The following EPG5 variants were observed in gnomAD, a reference collection of about 807,000 sequenced individuals.
The protein encoded by EPG5 is ectopic P-granules 5 autophagy tethering factor.
A neutral mutation model predicts 302.7 loss-of-function variants in EPG5; 159 were observed. The ratio of observed to expected loss-of-function variants is 0.53; its 90% CI spans 0.46 to 0.60. EPG5 has a LOEUF of 0.60. Among genes scored for constraint, EPG5 ranks in the 20% least tolerant of loss-of-function variants. EPG5 has a pLI of 0.00. For missense variants in EPG5, 2,896 were observed against 3,092.4 expected, an observed-to-expected ratio of 0.94 and a Z score of 1.51; for synonymous variants, 1,158 against 1,136.8, an observed-to-expected ratio of 1.02 and a Z score of -0.37.
At chr18:45,875,668 A>C (rs2048953067) in intron 35 of EPG5, among the ~76,000 whole-genome samples, 1 of 152,214 alleles carries the variant, frequency 6.6e-6, no homozygotes, top group Non-Finnish European at 1.5e-5. Context: ...AAGAAACTCA[A>C]CATGCAGGAC....
chr18:45,840,121 C>G, the EPG5 span: 1 of 1,455,658 alleles, frequency 6.9e-7, no homozygotes, highest in Non-Finnish European at 9.5e-7. Context: ...TTCCTCGAGA[C>G]CCCTTCCACA....
intron 39 of EPG5, 82 bp downstream of exon 39, chr18:45,865,533 C>T (rs773646988): frequency 5.2e-5 from 75 of 1,446,106 alleles, no homozygotes; most frequent in Non-Finnish European, 6.9e-5. Flanking sequence ...GTGTCCTGAA[C>T]ATCCTCCTGA....
At chr18:45,935,555 T>C (rs1264082593) in intron 10 of EPG5, among the ~76,000 whole-genome samples, 2 of 151,822 alleles carry the variant, frequency 1.3e-5, no homozygotes, top group African/African-American at 4.8e-5. Flanking sequence ...AAATAATAAG[T>C]ATTATTATTA....
intron 41 of EPG5, among the ~76,000 whole-genome samples, chr18:45,858,308 G>T (rs1046188226): frequency 2.0e-5 from 3 of 152,160 alleles, no homozygotes; most frequent in Non-Finnish European, 4.4e-5. Context: ...GCCCTATCAG[G>T]TAGGGATTAC....
In EPG5 at chr18:45,887,858, C is replaced by G. The variant is rs754252738; in HGVS notation, c.5002G>C (p.Val1668Leu). 2 of 1,599,722 alleles carry G rather than the reference C, an allele frequency of 1.3e-6. No individual in the cohort carries two copies. Among genetic ancestry groups the G allele is most frequent in the Admixed American group, 1.7e-5 (1 of 59,706 alleles). ...KLQPTPGIQKVGISLFFTIVD... is the reference protein window; with the variant it reads ...KLQPTPGIQKLGISLFFTIVD... Reference sequence around the variant, plus strand: ...ATAGTAAAGAAAAGGCTAATGCCAACTTTCTGAATCCCAGGTGTAGGCTGC... The same window carrying G: ...ATAGTAAAGAAAAGGCTAATGCCAAGTTTCTGAATCCCAGGTGTAGGCTGC... Residue 1668 changes from valine (V) to leucine (L), a missense_variant, in exon 29 of 44, where the codon GTT (valine) becomes CTT (leucine). Around this residue, in one of 5 missense-constraint regions of EPG5, gnomAD observed 790 missense variants for 798.0 expected, o/e 0.99. Coordinates refer to ENST00000282041, the MANE Select transcript of EPG5 (RefSeq NM_020964.3).
chr18:45,882,528 A>G lies in EPG5; in HGVS notation c.5305-41T>C, dbSNP rs187371878. ...AACAAAAAGCCGTTTTATTTGCACT[A>G]GAAAAATAGTTTAAGAGGAGAGAGG... On this transcript the variant is annotated intron_variant, in intron 30 of 43. Coordinates refer to ENST00000282041, the MANE Select transcript of EPG5 (RefSeq NM_020964.3). 12 of 1,543,402 alleles carry G rather than the reference A, an allele frequency of 7.8e-6. No individual in the cohort carries two copies. The African/African-American group carries it at 9.7e-5, about 12-fold the overall frequency.
At chr18:45,917,466 GA>G (rs1248348929) in intron 17 of EPG5, among the ~76,000 whole-genome samples, 1 of 152,140 alleles carries the variant, frequency 6.6e-6, no homozygotes. Flanking sequence ...AAATGAAAAG[GA>G]AAAATATCTT....
rs536750812 is a variant in EPG5 at position 45,902,729 on chromosome 18, C to T, written c.4474+1244G>A. On this transcript the variant is annotated intron_variant, in intron 25 of 43. Coordinates refer to ENST00000282041, the MANE Select transcript of EPG5 (RefSeq NM_020964.3). ...AAACTCACTATTTAGAAGTATAGGCCCTAATTTTGTTTAGAAGTACAAGGT... is the reference window on the plus strand; with the variant it reads ...AAACTCACTATTTAGAAGTATAGGCTCTAATTTTGTTTAGAAGTACAAGGT... Among the ~76,000 whole-genome samples, 7 of 152,138 alleles carry T rather than the reference C, an allele frequency of 4.6e-5. No individual in the cohort carries two copies. The South Asian group carries it at 1.5e-3, about 32-fold the overall frequency.
chr18:45,946,626 A>G, intron 7 of EPG5, 37 bp downstream of exon 7: 1 of 1,485,880 alleles, frequency 6.7e-7, no homozygotes, highest in Non-Finnish European at 9.4e-7. Context: ...AAGAGTTCAC[A>G]ATGATTCATC....
In EPG5 at chr18:45,955,345, A is replaced by G. The variant is rs1186677098; in HGVS notation, c.64-7T>C. On this transcript the variant is annotated splice_polypyrimidine_tract_variant and splice_region_variant and intron_variant, in intron 1 of 43. Coordinates refer to ENST00000282041, the MANE Select transcript of EPG5 (RefSeq NM_020964.3). ...TTTCATACTTCTTCTTTTCCTAAAA[A>G]CAACATACATAATGTGAAATAATTT... 1 of 1,515,344 alleles carries G rather than the reference A, an allele frequency of 6.6e-7. No individual in the cohort carries two copies. The highest frequency in any genetic ancestry group is 8.9e-7 in the Non-Finnish European group (1 of 1,123,600). 93.9% of individuals were successfully genotyped at this position (1,515,344 alleles called of 1,614,324 possible).
chr18:45,840,250 G>A, the EPG5 span: 1 of 1,610,954 alleles, frequency 6.2e-7, no homozygotes, highest in East Asian at 2.2e-5. Flanking sequence ...CGGTAAGTGA[G>A]CTCCCCGCCT....
downstream of EPG5, among the ~76,000 whole-genome samples, chr18:45,847,197 A>G (rs1161906728): frequency 6.6e-6 from 1 of 152,236 alleles, no homozygotes; most frequent in Non-Finnish European, 1.5e-5. Flanking sequence ...TGCATCTTAC[A>G]AATGTGAGTG....
intron 36 of EPG5, 71 bp from the exon 37 acceptor site, chr18:45,867,819 T>TC: frequency 7.4e-7 from 1 of 1,344,270 alleles, no homozygotes; most frequent in South Asian, 1.4e-5. Context: ...GTATGTAAAT[T>TC]GTTTCATAAT....
the EPG5 span, among the ~76,000 whole-genome samples, chr18:45,804,786 G>A: frequency 1.3e-5 from 2 of 152,106 alleles, no homozygotes; most frequent in Non-Finnish European, 2.9e-5. Context: ...CTTTAGACAT[G>A]AAGAACATCA....
At chr18:45,965,020 C>T (rs1323829701) in intron 1 of EPG5, among the ~76,000 whole-genome samples, 1 of 152,168 alleles carries the variant, frequency 6.6e-6, no homozygotes, top group Non-Finnish European at 1.5e-5. Context: ...TAACTCCTCA[C>T]AGACCTGGAT....
chr18:45,840,287 G>A, the EPG5 span: 5 of 1,588,288 alleles, frequency 3.1e-6, no homozygotes, highest in Admixed American at 1.8e-5. Flanking sequence ...CACCCACCTA[G>A]TCCTCATCAC....
In EPG5 at chr18:45,860,322, A is replaced by G. The variant is rs1181457009; in HGVS notation, c.6791T>C (p.Met2264Thr). ...TTCCATAAAGAGGCTGCTGAGGGCC[A>G]TGTGGCGGGTCTGGCTGTCCATGTC... ...PPDMDSQTRH[M>T]ALSSLFMEVL... is the part of the protein sequence containing the mutation. Residue 2264 changes from methionine (M) to threonine (T), a missense_variant, in exon 40 of 44, where the codon ATG (methionine) becomes ACG (threonine). Coordinates refer to ENST00000282041, the MANE Select transcript of EPG5 (RefSeq NM_020964.3). The G allele has an allele frequency of 6.2e-7, 1 of 1,614,132 alleles. No individual in the cohort carries two copies. The highest frequency in any genetic ancestry group is 1.3e-5 in the African/African-American group (1 of 74,950).
intron 1 of EPG5, among the ~76,000 whole-genome samples, chr18:45,959,303 T>C (rs986685074): frequency 6.6e-6 from 1 of 151,732 alleles, no homozygotes; most frequent in African/African-American, 2.4e-5. Flanking sequence ...ATCTGGCCAC[T>C]GCATTCCAGC....
At position 45,928,965 on chromosome 18, in the gene EPG5, A is replaced by T; in HGVS notation, c.2457T>A (p.Val819=). 6.2e-7 allele frequency: 1 copy of T among 1,614,080 alleles called. No individual in the cohort carries two copies. The highest frequency in any genetic ancestry group is 1.1e-5 in the South Asian group (1 of 91,078). The change falls in exon 13 of 44, where the codon GTT becomes GTA. Residue 819 remains valine, a synonymous_variant. Coordinates refer to ENST00000282041, the MANE Select transcript of EPG5 (RefSeq NM_020964.3). The part of the protein sequence containing the change: ...TLSTRETFSK[V]GRELLGTITA... Reference sequence around the variant, plus strand: ...TGATAGTCCCTAAAAGCTCTCGACCAACCTTTGAAAAAGTCTCTCTGGTAG... The same window carrying T: ...TGATAGTCCCTAAAAGCTCTCGACCTACCTTTGAAAAAGTCTCTCTGGTAG...
Sources: allele counts gnomAD v4.1 joint callset (sites outside exome capture counted in the v4.1 genomes callset), GRCh38; gene constraint gnomAD v4.1.1; regional missense constraint gnomAD v4.1.1; transcripts MANE v1.5; gene names NCBI Gene and HGNC (gene_info 2026-07-23, HGNC 2026-07-21).